NLK: variants seen among roughly 807,000 people sequenced by gnomAD.
NLK encodes nemo like kinase.
NLK carries 11 observed loss-of-function variants against 59.0 expected under a neutral mutation model. That is an observed-to-expected ratio of 0.19 (90% CI 0.12 to 0.31). The LOEUF (loss-of-function observed/expected upper bound fraction) is 0.31, where lower values mean the gene tolerates loss of function less well. NLK is among the 10% of genes least tolerant of loss of function. The pLI is 1.00. For synonymous variants in NLK, 235 were observed against 235.9 expected, an observed-to-expected ratio of 1.00 and a Z score of 0.03; for missense variants, 410 against 661.1, an observed-to-expected ratio of 0.62 and a Z score of 4.16.
At chr17:28,156,555 A>G (rs530952050) in intron 3 of NLK, among the ~76,000 whole-genome samples, 6 of 152,042 alleles carry the variant, frequency 3.9e-5, no homozygotes, top group South Asian at 2.1e-4. Flanking sequence ...CCCGCAACAC[A>G]CACTTTTTTT....
At chr17:28,057,014 G>A (rs1909466450) in intron 1 of NLK, among the ~76,000 whole-genome samples, 2 of 148,174 alleles carry the variant, frequency 1.3e-5, no homozygotes, top group South Asian at 4.2e-4. Flanking sequence ...GAGTGCAATG[G>A]CGCGATCTTG....
At chr17:28,112,573 G>T (rs1217608532) in intron 1 of NLK, among the ~76,000 whole-genome samples, 1 of 152,132 alleles carries the variant, frequency 6.6e-6, no homozygotes, top group Non-Finnish European at 1.5e-5. Flanking sequence ...CTTTTGTCTA[G>T]TTTTATAGTT....
In NLK at chr17:28,145,629, A is replaced by T. The variant is rs577684987; in HGVS notation, c.644+12954A>T. Among the ~76,000 whole-genome samples, 6 of 152,290 alleles carry T rather than the reference A, an allele frequency of 3.9e-5. No homozygotes were observed. The South Asian group carries it at 1.2e-3, about 32-fold the overall frequency. Reference sequence around the variant, plus strand: ...GAGACCACATTAATAAAAAGTGAATAAAGTTTTTCTCCTTCTTCATTGATG... The same window carrying T: ...GAGACCACATTAATAAAAAGTGAATTAAGTTTTTCTCCTTCTTCATTGATG... On this transcript the variant is annotated intron_variant, in intron 3 of 10. Coordinates refer to ENST00000407008, the MANE Select transcript of NLK (RefSeq NM_016231.5).
chr17:28,050,715 C>A (rs1909222263), intron 1 of NLK, among the ~76,000 whole-genome samples: 1 of 151,848 alleles, frequency 6.6e-6, no homozygotes, highest in East Asian at 1.9e-4. Flanking sequence ...GGAAGCAGAA[C>A]TAAAGGGCAG....
At chr17:28,149,240 T>G (rs558187016) in intron 3 of NLK, among the ~76,000 whole-genome samples, 2 of 152,220 alleles carry the variant, frequency 1.3e-5, no homozygotes, top group South Asian at 4.1e-4. Context: ...TTTTTAAATT[T>G]TTTTGTAGAG....
Position 28,195,740 on chromosome 17 carries a change from A to T in NLK, c.*1104A>T, listed in dbSNP as rs1909465352. On this transcript the variant is annotated 3_prime_UTR_variant, in exon 11 of 11. Transcript: ENST00000407008. ...CTGTGCATATGTACATATGAATACA[A>T]ATCGAAGGCCTCTACCTCCTGGAGT... 6.6e-6 allele frequency: 1 copy of T among 152,514 alleles called. No homozygotes were observed. Among genetic ancestry groups the T allele is most frequent in the Admixed American group, 6.5e-5 (1 of 15,268 alleles). The allele number at this position is 152,514 out of a possible 1,614,324, so 9.4% of individuals were successfully genotyped here. A position where few individuals can be genotyped will look rare whatever the true frequency, so the allele number is the denominator to read the frequency against.
chr17:28,131,624 C>G (rs959685963), intron 2 of NLK, among the ~76,000 whole-genome samples: 2 of 138,190 alleles, frequency 1.4e-5, no homozygotes, highest in Non-Finnish European at 3.1e-5. Context: ...ATTTAAGCTA[C>G]AGATCATAAA....
intron 1 of NLK, among the ~76,000 whole-genome samples, chr17:28,110,609 T>C (rs150096669): frequency 6.6e-6 from 1 of 152,200 alleles, no homozygotes; most frequent in Non-Finnish European, 1.5e-5. Flanking sequence ...CCTTTCCTCC[T>C]GATATTCCCA....
intron 1 of NLK, among the ~76,000 whole-genome samples, chr17:28,067,933 G>C (rs1229526791): frequency 6.6e-6 from 1 of 151,826 alleles, no homozygotes; most frequent in East Asian, 1.9e-4. Flanking sequence ...CTGAGGTCAA[G>C]AGTTTGAGAC....
At chr17:28,114,531 G>T (rs1905671711) in intron 1 of NLK, among the ~76,000 whole-genome samples, 1 of 152,154 alleles carries the variant, frequency 6.6e-6, no homozygotes. Flanking sequence ...TCTTAATGTA[G>T]ATATGAAAAG....
intron 1 of NLK, among the ~76,000 whole-genome samples, chr17:28,084,677 C>G (rs1196843178): frequency 2.0e-5 from 3 of 152,122 alleles, no homozygotes; most frequent in Non-Finnish European, 2.9e-5. Context: ...GATTCTCCTG[C>G]CTCAGCCTCC....
chr17:28,168,397 C>A, intron 5 of NLK, 51 bp from the exon 6 acceptor site: 3 of 1,281,672 alleles, frequency 2.3e-6, no homozygotes, highest in Non-Finnish European at 2.3e-6. Context: ...TTTTGTTTTA[C>A]TCTTTCATTT....
At chr17:28,091,377 G>A (rs1904485775) in intron 1 of NLK, among the ~76,000 whole-genome samples, 2 of 151,978 alleles carry the variant, frequency 1.3e-5, no homozygotes, top group African/African-American at 2.4e-5. Flanking sequence ...TTAATAAAAT[G>A]TATCTGAAGC....
At chr17:28,061,761 CATATACATATATACATATACATATATAAT>C (rs1567702363) in intron 1 of NLK, among the ~76,000 whole-genome samples, 26 of 143,750 alleles carry the variant, frequency 1.8e-4, no homozygotes, top group South Asian at 4.3e-4. Context: ...CATATATACA[CATATACATATATACATATACATATATAAT>C]ATATACATAT....
intron 1 of NLK, among the ~76,000 whole-genome samples, chr17:28,093,993 C>CA (rs141740016): frequency 2.6e-5 from 4 of 151,738 alleles, no homozygotes; most frequent in Admixed American, 6.6e-5. Flanking sequence ...CAAAAGATTG[C>CA]AAAAAAATGA....
chr17:28,158,694 A>G lies in NLK; in HGVS notation c.645-2466A>G, dbSNP rs149905378. Among the ~76,000 whole-genome samples the G allele has an allele frequency of 6.6e-3, 1,002 of 152,152 alleles. 17 individuals are homozygous for G. Among genetic ancestry groups the G allele is most frequent in the African/African-American group, 0.022 (933 of 41,502 alleles). ...GCCTAGGCTGGATTGCAGTGGTGCA[A>G]TCATGGCTCACTGCAACCTTGACCT... On this transcript the variant is annotated intron_variant, in intron 3 of 10. Coordinates refer to ENST00000407008, the MANE Select transcript of NLK (RefSeq NM_016231.5).
the NLK span, among the ~76,000 whole-genome samples, chr17:28,206,034 G>A: frequency 6.6e-6 from 1 of 152,074 alleles, no homozygotes; most frequent in African/African-American, 2.4e-5. Flanking sequence ...ATATCATGTT[G>A]TATACTTTAA....
At chr17:28,181,075 G>C (rs1908883815) in intron 7 of NLK, among the ~76,000 whole-genome samples, 1 of 151,742 alleles carries the variant, frequency 6.6e-6, no homozygotes, top group South Asian at 2.1e-4. Context: ...GCAACACAGG[G>C]AGACCCTGTC....
intron 1 of NLK, among the ~76,000 whole-genome samples, chr17:28,063,025 A>AG (rs1225045053): frequency 7.2e-5 from 11 of 152,290 alleles, no homozygotes; most frequent in Middle Eastern, 3.4e-3. Flanking sequence ...CAAGCTGCCC[A>AG]GGCTCAGGTG....
Sources: allele counts gnomAD v4.1 joint callset (sites outside exome capture counted in the v4.1 genomes callset), GRCh38; gene constraint gnomAD v4.1.1; transcripts MANE v1.5; gene names NCBI Gene and HGNC (gene_info 2026-07-23, HGNC 2026-07-21).